The following WNT2B variants were observed in gnomAD, a reference collection of about 807,000 sequenced individuals.
WNT2B encodes protein Wnt-2b.
WNT2B carries 19 observed loss-of-function variants against 40.5 expected under a neutral mutation model. That is an observed-to-expected ratio of 0.47 (90% CI 0.33 to 0.69). The LOEUF (loss-of-function observed/expected upper bound fraction) is 0.69. WNT2B is among the 30% of genes least tolerant of loss of function. WNT2B has a pLI of 0.02. For missense variants in WNT2B, 467 were observed against 556.4 expected (o/e 0.84, Z 1.62); for synonymous variants, 220 against 211.9 (o/e 1.04, Z -0.33).
In WNT2B at chr1:112,524,016, AC is replaced by A. The variant is rs1570810994; in HGVS notation, c.*3508del. ...TTCAGATTAAAAAAAAAAACAAAAA[AC>A]AAAAAACAAAAACAAACATTGCCTG... On this transcript the variant is annotated 3_prime_UTR_variant, in exon 5 of 5. Transcript: ENST00000369684. 6.6e-6 allele frequency: 1 copy of A among 152,222 alleles called. No homozygotes were observed. The highest frequency in any genetic ancestry group is 1.9e-4 in the East Asian group (1 of 5,170). The allele number at this position is 152,222 out of a possible 1,614,324, so 9.4% of individuals were successfully genotyped here.
intron 1 of WNT2B, among the ~76,000 whole-genome samples, chr1:112,502,666 A>C (rs529211549): frequency 2.6e-5 from 4 of 151,870 alleles, no homozygotes; most frequent in African/African-American, 7.3e-5. Flanking sequence ...TCATGGAAAG[A>C]CCCTTCTCCT....
intron 1 of WNT2B, among the ~76,000 whole-genome samples, chr1:112,479,222 A>C (rs1203277945): frequency 2.0e-5 from 3 of 151,968 alleles, no homozygotes; most frequent in Non-Finnish European, 2.9e-5. Flanking sequence ...ACTCTGTCTC[A>C]AAATAAATAA....
In WNT2B at chr1:112,490,683, C is replaced by G. The variant is rs184709147; in HGVS notation, c.-95+23092C>G. Reference sequence around the variant, plus strand: ...TTTTTGTATTTTTAGTAGAGACAGGCTTTCACCGTGTTAGCCAGGATGGTC... The same window carrying G: ...TTTTTGTATTTTTAGTAGAGACAGGGTTTCACCGTGTTAGCCAGGATGGTC... On this transcript the variant is annotated intron_variant, in intron 1 of 4. Transcript: ENST00000256640. Among the ~76,000 whole-genome samples the G allele has an allele frequency of 3.2e-3, 484 of 152,004 alleles. 2 individuals are homozygous for G. The highest frequency in any genetic ancestry group is 0.01 in the African/African-American group (433 of 41,484).
At chr1:112,501,432 C>T (rs1331524186) in intron 1 of WNT2B, among the ~76,000 whole-genome samples, 4 of 152,216 alleles carry the variant, frequency 2.6e-5, no homozygotes, top group Non-Finnish European at 5.9e-5. Context: ...TGTATGTCAC[C>T]TCCTTCAGGG....
At chr1:112,484,988 A>T (rs1490527670) in intron 1 of WNT2B, among the ~76,000 whole-genome samples, 1 of 152,216 alleles carries the variant, frequency 6.6e-6, no homozygotes, top group Non-Finnish European at 1.5e-5. Context: ...CAAATAATTC[A>T]TATATAGATT....
upstream of WNT2B, among the ~76,000 whole-genome samples, chr1:112,505,777 C>A (rs1652087225): frequency 1.3e-5 from 2 of 152,210 alleles, no homozygotes; most frequent in South Asian, 4.1e-4. Context: ...GCTCCTGCAG[C>A]CTGGGATTCC....
At chr1:112,514,570 C>T (rs1652461218) in intron 1 of WNT2B, among the ~76,000 whole-genome samples, 1 of 152,140 alleles carries the variant, frequency 6.6e-6, no homozygotes, top group Non-Finnish European at 1.5e-5. Flanking sequence ...GTGACATGCC[C>T]ACAGCTTCTG....
At chr1:112,508,672 G>A, upstream of WNT2B, 1 of 977,906 alleles carries the variant, frequency 1.0e-6, no homozygotes, top group South Asian at 4.7e-5. The surrounding 1 kb of genome is among the most constrained non-coding windows in gnomAD (Gnocchi z 4.2). Flanking sequence ...ACCCATAGAA[G>A]TGGGGCTGCT....
At chr1:112,498,532 G>A (rs959985645) in intron 1 of WNT2B, among the ~76,000 whole-genome samples, 1 of 151,600 alleles carries the variant, frequency 6.6e-6, no homozygotes, top group Non-Finnish European at 1.5e-5. Flanking sequence ...ACCACACCCA[G>A]CCAATCTCTC....
intron 1 of WNT2B, among the ~76,000 whole-genome samples, chr1:112,503,028 A>G (rs1279965813): frequency 6.6e-6 from 1 of 152,160 alleles, no homozygotes; most frequent in Admixed American, 6.5e-5. Context: ...CCTGCCTGGC[A>G]GAGGCCCCAG....
At chr1:112,504,911 G>A (rs1385588701), upstream of WNT2B, among the ~76,000 whole-genome samples, 4 of 152,070 alleles carry the variant, frequency 2.6e-5, no homozygotes, top group East Asian at 7.7e-4. Context: ...GCAGGGTGGG[G>A]TAAGAGCTGT....
intron 1 of WNT2B, among the ~76,000 whole-genome samples, chr1:112,472,533 T>C (rs575810061): frequency 2.8e-4 from 41 of 148,914 alleles, no homozygotes; most frequent in African/African-American, 9.2e-4. Flanking sequence ...TAAATGATGC[T>C]CTGTTCCCAC....
chr1:112,484,868 T>C (rs956130148), intron 1 of WNT2B, among the ~76,000 whole-genome samples: 1 of 152,194 alleles, frequency 6.6e-6, no homozygotes, highest in Non-Finnish European at 1.5e-5. Context: ...GCAAGACTTA[T>C]ACACAAAAAC....
chr1:112,485,012 G>A (rs929559420), intron 1 of WNT2B, among the ~76,000 whole-genome samples: 1 of 152,160 alleles, frequency 6.6e-6, no homozygotes, highest in African/African-American at 2.4e-5. Context: ...TGCAATCCCA[G>A]TGAAAATTCC....
intron 1 of WNT2B, among the ~76,000 whole-genome samples, chr1:112,474,829 G>A (rs1435133185): frequency 6.6e-6 from 1 of 152,194 alleles, no homozygotes; most frequent in Non-Finnish European, 1.5e-5. Flanking sequence ...CCTTGGTGCT[G>A]TTCTCATGAT....
chr1:112,504,323 C>T (rs182087155), upstream of WNT2B, among the ~76,000 whole-genome samples: 4 of 152,200 alleles, frequency 2.6e-5, no homozygotes, highest in East Asian at 5.8e-4. Flanking sequence ...CCCTCTCTTC[C>T]TTTCTTCCTA....
intron 1 of WNT2B, among the ~76,000 whole-genome samples, chr1:112,488,574 T>TA (rs1177342142): frequency 6.7e-6 from 1 of 148,880 alleles, no homozygotes; most frequent in African/African-American, 2.5e-5. Flanking sequence ...TTTTTTGAGA[T>TA]AGAGTCTCGC....
At chr1:112,508,852 G>A (rs534722569), upstream of WNT2B, 10 of 1,002,076 alleles carry the variant, frequency 1.0e-5, 1 homozygote, top group South Asian at 3.3e-4. This position sits in a 1 kb window ranked among gnomAD's most constrained non-coding sequence, Gnocchi z 4.2. Flanking sequence ...CTAGGGCGTC[G>A]CGGAGCGCCC....
At chr1:112,502,768 C>G (rs1244540244) in intron 1 of WNT2B, among the ~76,000 whole-genome samples, 1 of 152,052 alleles carries the variant, frequency 6.6e-6, no homozygotes, top group African/African-American at 2.4e-5. Flanking sequence ...AGGAGGACGG[C>G]TGAAATGACT....
Sources: allele counts gnomAD v4.1 joint callset (sites outside exome capture counted in the v4.1 genomes callset), GRCh38; gene constraint gnomAD v4.1.1; non-coding constraint Gnocchi (gnomAD v3.1); transcripts MANE v1.5; gene names NCBI Gene and HGNC (gene_info 2026-07-23, HGNC 2026-07-21).